PDE4B: variants seen among roughly 807,000 people sequenced by gnomAD.
The protein encoded by PDE4B is phosphodiesterase 4B.
A neutral mutation model predicts 82.2 loss-of-function variants in PDE4B; 20 were observed. The observed-to-expected ratio is 0.24, with a 90% CI of 0.17 to 0.35. The LOEUF (loss-of-function observed/expected upper bound fraction) is 0.35. Among genes scored for constraint, PDE4B ranks in the 10% least tolerant of loss-of-function variants. PDE4B has a pLI of 1.00. For synonymous variants in PDE4B, 320 were observed against 318.9 expected, an observed-to-expected ratio of 1.00 and a Z score of -0.04; for missense variants, 655 against 907.2, an observed-to-expected ratio of 0.72 and a Z score of 3.57.
chr1:66,317,070 C>G (rs535005669), intron 7 of PDE4B, among the ~76,000 whole-genome samples: 1 of 152,242 alleles, frequency 6.6e-6, no homozygotes, highest in South Asian at 2.1e-4. Context: ...AAACCTGAGG[C>G]CTAATTTTAT....
chr1:66,102,479 G>A (rs115430819), intron 3 of PDE4B, among the ~76,000 whole-genome samples: 2,645 of 152,166 alleles, frequency 0.017, 38 homozygotes, highest in Middle Eastern at 0.031. Context: ...GAGCAGTATT[G>A]TTGGTTTAGA....
chr1:65,849,983 G>A (rs1229047433), intron 1 of PDE4B, among the ~76,000 whole-genome samples: 1 of 151,958 alleles, frequency 6.6e-6, no homozygotes, highest in Admixed American at 6.6e-5. Flanking sequence ...TGTTATGTTT[G>A]TATGTTTCTA....
rs1283466523 is a variant in PDE4B at position 66,361,766 on chromosome 1, C to T, written c.993C>T (p.Asn331=). Residue 331 remains asparagine, a synonymous_variant, in exon 10 of 17, where the codon AAC becomes AAT. Coordinates refer to ENST00000341517, the MANE Select transcript of PDE4B (RefSeq NM_002600.4). The part of the protein sequence containing the change: ...NNTSISRFGV[N]TENEDHLAKE... ...CAAGCATCTCACGCTTTGGAGTCAA[C>T]ACTGAAAATGAAGATCACCTGGCCA... 1 of 1,612,284 alleles carries T rather than the reference C, an allele frequency of 6.2e-7. No homozygotes were observed. Among genetic ancestry groups the T allele is most frequent in the East Asian group, 2.2e-5 (1 of 44,850 alleles).
intron 8 of PDE4B, among the ~76,000 whole-genome samples, chr1:66,343,168 A>AT (rs1028252753): frequency 7.2e-5 from 11 of 152,130 alleles, no homozygotes; most frequent in East Asian, 1.9e-4. Context: ...AAAGGCACAG[A>AT]TTTTTTTTAA....
intron 3 of PDE4B, among the ~76,000 whole-genome samples, chr1:66,092,394 C>T (rs1645042438): frequency 6.6e-6 from 1 of 151,870 alleles, no homozygotes; most frequent in Admixed American, 6.6e-5. Context: ...AGAATCTATC[C>T]GTGAGGACTT....
At chr1:66,346,914 G>C (rs12142990) in intron 8 of PDE4B, among the ~76,000 whole-genome samples, 2 of 152,170 alleles carry the variant, frequency 1.3e-5, no homozygotes, top group Non-Finnish European at 2.9e-5. Context: ...CCATTTCAAA[G>C]ATAGAAAATT....
chr1:66,156,938 A>T (rs537155350), intron 3 of PDE4B, among the ~76,000 whole-genome samples: 8 of 152,188 alleles, frequency 5.3e-5, no homozygotes, highest in African/African-American at 1.7e-4. Flanking sequence ...TCTCAACCAG[A>T]CCCTAGTTTT....
rs2050868628 is a variant in PDE4B, at chr1:66,373,799, C to G, written c.*1121C>G. 1 of 152,268 alleles carries G rather than the reference C, an allele frequency of 6.6e-6. No homozygotes were observed. Among genetic ancestry groups the G allele is most frequent in the African/African-American group, 2.4e-5 (1 of 41,360 alleles). The allele number at this position is 152,268 out of a possible 1,614,324, so 9.4% of individuals were successfully genotyped here. A position where few individuals can be genotyped will look rare whatever the true frequency, so the allele number is the denominator to read the frequency against. On this transcript the variant is annotated 3_prime_UTR_variant, in exon 17 of 17. Coordinates refer to ENST00000341517, the MANE Select transcript of PDE4B (RefSeq NM_002600.4). ...ATGTTTTGTATTGTGTATTATATAA[C>G]CCAAACGTCACTTAGTAGAGACATA...
chr1:66,050,339 C>T (rs1160349096), intron 3 of PDE4B, among the ~76,000 whole-genome samples: 1 of 151,942 alleles, frequency 6.6e-6, no homozygotes, highest in Non-Finnish European at 1.5e-5. Flanking sequence ...ACATTAGTGA[C>T]ATCATTTAGC....
rs917440968 is a variant in PDE4B at position 65,977,628 on chromosome 1, G to C, written c.281+58793G>C. Among the ~76,000 whole-genome samples, 71 of 152,184 alleles carry C rather than the reference G, an allele frequency of 4.7e-4. 1 individual carries two copies. The highest frequency in any genetic ancestry group is 8.1e-4 in the Non-Finnish European group (55 of 68,030). ...ATCTAACATTGTTCTATGTACCATAGGGAAATGGAGATGGCGATGTATAGT... is the reference window on the plus strand; with the variant it reads ...ATCTAACATTGTTCTATGTACCATACGGAAATGGAGATGGCGATGTATAGT... On this transcript the variant is annotated intron_variant, in intron 3 of 16. Transcript: ENST00000341517.
intron 3 of PDE4B, among the ~76,000 whole-genome samples, chr1:66,015,532 A>G (rs1569981979): frequency 6.6e-6 from 1 of 151,956 alleles, no homozygotes; most frequent in East Asian, 1.9e-4. Context: ...TTGAGCTGAG[A>G]CCTGACTGGC....
At chr1:65,809,979 T>C (rs1478222979) in intron 1 of PDE4B, among the ~76,000 whole-genome samples, 1 of 152,268 alleles carries the variant, frequency 6.6e-6, no homozygotes, top group Non-Finnish European at 1.5e-5. Context: ...AGTTCAAGAA[T>C]TGAATTTTTA....
chr1:66,165,299 A>G (rs1646705986), intron 3 of PDE4B, among the ~76,000 whole-genome samples: 2 of 152,202 alleles, frequency 1.3e-5, no homozygotes, highest in South Asian at 2.1e-4. Flanking sequence ...TAATATTAAC[A>G]TGGTAGAATT....
chr1:66,091,498 A>G (rs1003594563), intron 3 of PDE4B, among the ~76,000 whole-genome samples: 3 of 152,106 alleles, frequency 2.0e-5, no homozygotes, highest in Admixed American at 2.0e-4. Context: ...GTAAAATCAC[A>G]TGGTTATTTG....
intron 3 of PDE4B, among the ~76,000 whole-genome samples, chr1:65,931,420 A>G (rs930273371): frequency 1.3e-5 from 2 of 152,204 alleles, no homozygotes; most frequent in African/African-American, 4.8e-5. Flanking sequence ...AAAATATCCT[A>G]CAGACTGGCA....
intron 1 of PDE4B, among the ~76,000 whole-genome samples, chr1:65,848,787 T>C (rs1646296467): frequency 6.6e-6 from 1 of 152,170 alleles, no homozygotes; most frequent in African/African-American, 2.4e-5. Flanking sequence ...CCATTTACCT[T>C]TGTTGAACAT....
At position 66,069,150 on chromosome 1, in the gene PDE4B, A is replaced by G. The variant is rs72918297; in HGVS notation, c.281+150315A>G. 8.8e-3 allele frequency among the ~76,000 whole-genome samples: 1,331 copies of G among 152,038 alleles called. 20 individuals carry two copies. Among genetic ancestry groups the G allele is most frequent in the African/African-American group, 0.03 (1,247 of 41,532 alleles). On this transcript the variant is annotated intron_variant, in intron 3 of 16. Coordinates refer to ENST00000341517, the MANE Select transcript of PDE4B (RefSeq NM_002600.4). ...CTGCTGTGTTCTTACATGGTCCTCT[A>G]TTGTGTATTTTAACCTGGGCATTGA...
chr1:66,286,455 C>T (rs1167281783), intron 7 of PDE4B, among the ~76,000 whole-genome samples: 1 of 152,106 alleles, frequency 6.6e-6, no homozygotes, highest in Non-Finnish European at 1.5e-5. Flanking sequence ...CTTTCTATGA[C>T]TGATATTTTG....
chr1:66,000,338 T>C (rs1342142516), intron 3 of PDE4B, among the ~76,000 whole-genome samples: 5 of 152,184 alleles, frequency 3.3e-5, no homozygotes, highest in African/African-American at 4.8e-5. Context: ...TGATGCAACA[T>C]TTACAATATT....
Sources: allele counts gnomAD v4.1 joint callset (sites outside exome capture counted in the v4.1 genomes callset), GRCh38; gene constraint gnomAD v4.1.1; transcripts MANE v1.5; gene names NCBI Gene and HGNC (gene_info 2026-07-23, HGNC 2026-07-21).